Variants in GRID2 observed in about 807,000 individuals in gnomAD.
GRID2 encodes the protein glutamate ionotropic receptor delta type subunit 2.
GRID2 carries 33 observed loss-of-function variants against 114.8 expected under a neutral mutation model. The observed-to-expected ratio is 0.29, with a 90% CI of 0.22 to 0.38. GRID2 has a LOEUF of 0.38. Ranked by LOEUF, GRID2 falls within the 10% of genes least tolerant of loss-of-function variation. GRID2 has a pLI of 1.00. For missense variants in GRID2, 1,184 were observed against 1,257.7 expected, an observed-to-expected ratio of 0.94 and a Z score of 0.89; for synonymous variants, 505 against 449.9, an observed-to-expected ratio of 1.12 and a Z score of -1.55.
At chr4:92,863,645 C>T (rs910387497) in intron 2 of GRID2, among the ~76,000 whole-genome samples, 1 of 152,060 alleles carries the variant, frequency 6.6e-6, no homozygotes, top group Non-Finnish European at 1.5e-5. Context: ...TCACTTTCAT[C>T]ATTTTTACTG....
chr4:93,739,313 C>T (rs1179087908), intron 14 of GRID2, among the ~76,000 whole-genome samples: 1 of 152,084 alleles, frequency 6.6e-6, no homozygotes, highest in Non-Finnish European at 1.5e-5. Flanking sequence ...GGTCCCGCCA[C>T]AAACTAGGTA....
chr4:92,560,688 G>A (rs1311797859), intron 1 of GRID2, among the ~76,000 whole-genome samples: 1 of 151,920 alleles, frequency 6.6e-6, no homozygotes, highest in Non-Finnish European at 1.5e-5. Context: ...CCTTGTTGAA[G>A]CCCACCTTCT....
intron 8 of GRID2, among the ~76,000 whole-genome samples, chr4:93,289,942 A>G (rs979214185): frequency 2.6e-5 from 4 of 152,200 alleles, no homozygotes; most frequent in African/African-American, 9.6e-5. Context: ...TAAAACTAGG[A>G]TTATGGTTTG....
chr4:92,868,676 G>A (rs1384053399), intron 2 of GRID2, among the ~76,000 whole-genome samples: 3 of 151,846 alleles, frequency 2.0e-5, no homozygotes, highest in Admixed American at 6.6e-5. Flanking sequence ...ACATGTAGAT[G>A]AAAGAGCAGA....
At chr4:92,962,789 C>G (rs149910483) in intron 2 of GRID2, among the ~76,000 whole-genome samples, 10 of 152,038 alleles carry the variant, frequency 6.6e-5, no homozygotes, top group African/African-American at 2.2e-4. Context: ...ATTTTCCACA[C>G]TGAGTCTCCA....
At chr4:92,878,562 T>G (rs1371856602) in intron 2 of GRID2, among the ~76,000 whole-genome samples, 6 of 152,122 alleles carry the variant, frequency 3.9e-5, no homozygotes, top group Non-Finnish European at 4.4e-5. Context: ...TTTACTTCTG[T>G]AGGATATACC....
intron 2 of GRID2, among the ~76,000 whole-genome samples, chr4:92,675,899 G>C (rs749680891): frequency 9.2e-5 from 14 of 151,964 alleles, no homozygotes; most frequent in East Asian, 2.0e-4. Flanking sequence ...TCCCCAGGTA[G>C]AAAGCCAAGC....
chr4:93,644,624 G>T (rs891316143), intron 14 of GRID2, among the ~76,000 whole-genome samples: 10 of 152,104 alleles, frequency 6.6e-5, no homozygotes, highest in Non-Finnish European at 1.3e-4. Context: ...TAATCAGCAT[G>T]AATTTTACTA....
At chr4:93,038,213 T>A (rs1725107666) in intron 2 of GRID2, among the ~76,000 whole-genome samples, 1 of 152,160 alleles carries the variant, frequency 6.6e-6, no homozygotes, top group Non-Finnish European at 1.5e-5. Context: ...TTATTCTCTT[T>A]GTAGCATTTG....
chr4:93,179,575 ATAAC>A (rs145177633), intron 4 of GRID2, among the ~76,000 whole-genome samples: 3,632 of 152,260 alleles, frequency 0.024, 137 homozygotes, highest in African/African-American at 0.082. Flanking sequence ...AAATATAACA[ATAAC>A]TAAGTTCCAT....
Position 92,738,694 on chromosome 4 carries a change from C to T in GRID2, c.244+148408C>T, listed in dbSNP as rs565547751. Among the ~76,000 whole-genome samples the T allele has an allele frequency of 6.6e-5, 10 of 152,126 alleles. No individual in the cohort carries two copies. In the South Asian group the frequency reaches 2.1e-3, roughly 32 times the overall value. The stretch of plus-strand genomic sequence containing the variant: ...AGAGACAGGATCTCACTCTGTTGCT[C>T]ATGCTGGAGTACAGTATCATGATCA... On this transcript the variant is annotated intron_variant, in intron 2 of 15. Coordinates refer to ENST00000282020, the MANE Select transcript of GRID2 (RefSeq NM_001510.4).
chr4:93,502,716 C>A (rs5000357), intron 12 of GRID2, among the ~76,000 whole-genome samples: 79,826 of 140,742 alleles, frequency 0.57, 22,175 homozygotes, highest in Middle Eastern at 0.64. Context: ...CTCCCCCCCC[C>A]CACACACACA....
At position 92,460,049 on chromosome 4, in the gene GRID2, TATATAC is replaced by T. The variant is rs1450212027; in HGVS notation, c.89-130080_89-130075del. ...AAATCTCACTATATATATATATATA[TATATAC>T]ACACACAACTTTTTGGTTCTGTTTC... On this transcript the variant is annotated intron_variant, in intron 1 of 15. Transcript: ENST00000282020. Among the ~76,000 whole-genome samples the T allele has an allele frequency of 3.4e-4, 40 of 119,250 alleles. 3 individuals are homozygous for T. The highest frequency in any genetic ancestry group is 1.3e-3 in the African/African-American group (39 of 31,170). The allele number at this position is 119,250 out of a possible 152,430, so 78.2% of individuals were successfully genotyped here. A position where few individuals can be genotyped will look rare whatever the true frequency, so the allele number is the denominator to read the frequency against.
intron 1 of GRID2, among the ~76,000 whole-genome samples, chr4:92,397,040 GT>G (rs990047834): frequency 1.3e-5 from 2 of 151,530 alleles, no homozygotes; most frequent in Admixed American, 6.6e-5. Context: ...AAGTATTTTA[GT>G]TTTTTTTCAA....
At chr4:93,757,747 G>A (rs971244240) in intron 14 of GRID2, among the ~76,000 whole-genome samples, 1 of 152,170 alleles carries the variant, frequency 6.6e-6, no homozygotes, top group Non-Finnish European at 1.5e-5. Context: ...TCTGAGGTCA[G>A]GAGTTCAAGA....
At chr4:93,329,402 C>T (rs978255930) in intron 8 of GRID2, among the ~76,000 whole-genome samples, 1 of 152,006 alleles carries the variant, frequency 6.6e-6, no homozygotes, top group Non-Finnish European at 1.5e-5. Context: ...AAGAATGTCT[C>T]TATGTTTTTG....
intron 8 of GRID2, among the ~76,000 whole-genome samples, chr4:93,335,436 G>A (rs1206060631): frequency 6.6e-6 from 1 of 152,062 alleles, no homozygotes. Context: ...CTTTGTACTA[G>A]ATAGAATATG....
chr4:93,217,822 CT>C (rs1157224918), intron 6 of GRID2, among the ~76,000 whole-genome samples: 2 of 151,948 alleles, frequency 1.3e-5, no homozygotes, highest in Non-Finnish European at 1.5e-5. Context: ...AACAATAACC[CT>C]GAGATATTAG....
At position 92,990,126 on chromosome 4, in the gene GRID2, TA is replaced by T. The variant is rs888464642; in HGVS notation, c.245-94867del. 2.0e-5 allele frequency among the ~76,000 whole-genome samples: 3 copies of T among 152,084 alleles called. No individual in the cohort carries two copies. The East Asian group carries it at 5.8e-4, about 29-fold the overall frequency. On this transcript the variant is annotated intron_variant, in intron 2 of 15. Transcript: ENST00000282020. ...AGGCTAAGTTCTTTAATTTTTTATG[TA>T]ACCTTCTTTATGTTGGTGTATAGCA...
Sources: allele counts gnomAD v4.1 joint callset (sites outside exome capture counted in the v4.1 genomes callset), GRCh38; gene constraint gnomAD v4.1.1; transcripts MANE v1.5; gene names NCBI Gene and HGNC (gene_info 2026-07-23, HGNC 2026-07-21).